ARHGAP39: variants seen among roughly 807,000 people sequenced by gnomAD.
ARHGAP39 encodes Rho GTPase activating protein 39.
Under a neutral mutation model 106.9 loss-of-function variants are expected in ARHGAP39, and 44 were observed. The ratio of observed to expected loss-of-function variants is 0.41; its 90% CI spans 0.32 to 0.53. ARHGAP39 has a LOEUF of 0.53. ARHGAP39 is among the 20% of genes least tolerant of loss of function. The pLI, the probability that ARHGAP39 is intolerant of heterozygous loss-of-function variation, is 0.21. For missense variants in ARHGAP39, 1,496 were observed against 1,577.3 expected (o/e 0.95, Z 0.87); for synonymous variants, 768 against 693.2 (o/e 1.11, Z -1.69).
chr8:144,588,046 G>A (rs1289967198), intron 2 of ARHGAP39, among the ~76,000 whole-genome samples: 4 of 152,228 alleles, frequency 2.6e-5, no homozygotes, highest in African/African-American at 9.6e-5. Context: ...AGGAAAACCA[G>A]CAAGGGTGAT....
intron 7 of ARHGAP39, among the ~76,000 whole-genome samples, chr8:144,535,128 G>A (rs1358012845): frequency 1.3e-5 from 2 of 152,178 alleles, no homozygotes; most frequent in African/African-American, 4.8e-5. Flanking sequence ...GGTGAGGGGG[G>A]CCTCTGGATC....
intron 1 of ARHGAP39, among the ~76,000 whole-genome samples, chr8:144,623,811 G>A (rs967260674): frequency 2.0e-5 from 3 of 152,292 alleles, no homozygotes; most frequent in South Asian, 2.1e-4. Flanking sequence ...CAAATGCACC[G>A]CCCAGAATCA....
At chr8:144,700,331 T>C in the ARHGAP39 span, 1 of 151,422 alleles carries the variant, frequency 6.6e-6, no homozygotes, top group East Asian at 1.9e-4. The surrounding 1 kb of genome is among the most constrained non-coding windows in gnomAD (Gnocchi z 5.6). Flanking sequence ...GCCGGGCGAG[T>C]CTCACTTCCG....
rs1213937802 is a variant in ARHGAP39 at position 144,647,852 on chromosome 8, A to C, written c.-82+37834T>G. Among the ~76,000 whole-genome samples the C allele has an allele frequency of 1.3e-5, 2 of 152,262 alleles. No homozygotes were observed. Among genetic ancestry groups the C allele is most frequent in the Non-Finnish European group, 2.9e-5 (2 of 68,042 alleles). The stretch of plus-strand genomic sequence containing the variant: ...CCAAGCAAAAGTGCACCCATGTGCC[A>C]AGTACTGTACATAAAATAAGTCCAT... On this transcript the variant is annotated intron_variant, in intron 1 of 11. Transcript: ENST00000377307. The surrounding 1 kb of genome is among the most constrained non-coding windows in gnomAD (Gnocchi z 4.8).
Position 144,670,613 on chromosome 8 carries a change from C to A in ARHGAP39, c.-82+15073G>T, listed in dbSNP as rs1380666322. 6.6e-6 allele frequency among the ~76,000 whole-genome samples: 1 copy of A among 152,136 alleles called. No individual in the cohort carries two copies. Among genetic ancestry groups the A allele is most frequent in the African/African-American group, 2.4e-5 (1 of 41,422 alleles). The stretch of plus-strand genomic sequence containing the variant: ...CCCGCCCTGCTCCAGGCTCCCTGGG[C>A]TCCTGCCATCCGGTCCTGCTAACCC... On this transcript the variant is annotated intron_variant, in intron 1 of 11. Coordinates refer to ENST00000377307, the MANE Select transcript of ARHGAP39 (RefSeq NM_025251.3). The surrounding 1 kb of genome is among the most constrained non-coding windows in gnomAD (Gnocchi z 4.4).
In ARHGAP39 at chr8:144,604,989, C is replaced by T. The variant is rs1176619778; in HGVS notation, c.80+546G>A. ...TAAAAGCCTAGAAATCAGGGCAGAG[C>T]AGTGGCTCACGTCTGTGATCCTGGC... On this transcript the variant is annotated intron_variant, in intron 2 of 11. Transcript: ENST00000377307. This position sits in a 1 kb window ranked among gnomAD's most constrained non-coding sequence, Gnocchi z 4.1. Among the ~76,000 whole-genome samples the T allele has an allele frequency of 6.6e-6, 1 of 152,226 alleles. No individual in the cohort carries two copies. The highest frequency in any genetic ancestry group is 2.4e-5 in the African/African-American group (1 of 41,454).
intron 1 of ARHGAP39, among the ~76,000 whole-genome samples, chr8:144,612,207 C>T (rs1233868750): frequency 2.4e-5 from 2 of 84,166 alleles, no homozygotes; most frequent in Admixed American, 1.2e-4. Context: ...CCAGCCAGGG[C>T]GACAGAGTGA....
intron 1 of ARHGAP39, among the ~76,000 whole-genome samples, 196 bp downstream of exon 1, chr8:144,685,490 G>C (rs1166675623): frequency 7.6e-5 from 7 of 92,200 alleles, no homozygotes. Flanking sequence ...GCCGGGCCCC[G>C]CACACCCACG....
At position 144,561,724 on chromosome 8, in the gene ARHGAP39, G is replaced by A. The variant is rs921882928; in HGVS notation, c.513-6081C>T. The stretch of plus-strand genomic sequence containing the variant: ...CCATCACACTCCAGTGGTTTCCATC[G>A]GACTTAATCCAGTGGTTTCCATCGG... On this transcript the variant is annotated intron_variant, in intron 3 of 11. Coordinates refer to ENST00000377307, the MANE Select transcript of ARHGAP39 (RefSeq NM_025251.3). 2.1e-4 allele frequency among the ~76,000 whole-genome samples: 30 copies of A among 143,742 alleles called. No homozygotes were observed. The East Asian group carries it at 3.2e-3, about 15-fold the overall frequency. The allele number at this position is 143,742 out of a possible 152,430, so 94.3% of individuals were successfully genotyped here.
chr8:144,571,262 C>A (rs1268022768), intron 3 of ARHGAP39, among the ~76,000 whole-genome samples: 1 of 152,126 alleles, frequency 6.6e-6, no homozygotes, highest in Non-Finnish European at 1.5e-5. Flanking sequence ...GAATCCACCA[C>A]CATCAAAAAG....
chr8:144,590,999 C>T (rs1383609074), intron 2 of ARHGAP39, among the ~76,000 whole-genome samples: 2 of 152,230 alleles, frequency 1.3e-5, no homozygotes, highest in East Asian at 3.8e-4. Flanking sequence ...ACCCTTGACA[C>T]CTTCCACAGC....
At chr8:144,535,161 T>C (rs1373284562) in intron 7 of ARHGAP39, among the ~76,000 whole-genome samples, 3 of 152,118 alleles carry the variant, frequency 2.0e-5, no homozygotes, top group Non-Finnish European at 2.9e-5. Flanking sequence ...CGGAACACCT[T>C]TGTCTTCTTT....
chr8:144,621,118 C>A (rs950523816), intron 1 of ARHGAP39, among the ~76,000 whole-genome samples: 3 of 152,288 alleles, frequency 2.0e-5, no homozygotes, highest in Non-Finnish European at 4.4e-5. Context: ...CCCCAGCCTG[C>A]AGCTGCCTGC....
intron 1 of ARHGAP39, among the ~76,000 whole-genome samples, chr8:144,655,451 G>C (rs2129662423): frequency 6.6e-6 from 1 of 152,218 alleles, no homozygotes; most frequent in East Asian, 1.9e-4. Context: ...CTTCTTCTCT[G>C]CTAGGAGCTG....
chr8:144,633,471 A>G (rs1821113180), intron 1 of ARHGAP39, among the ~76,000 whole-genome samples: 1 of 152,212 alleles, frequency 6.6e-6, no homozygotes, highest in Non-Finnish European at 1.5e-5. Context: ...AAAAAGAAGA[A>G]AAAGAAAAGA....
intron 10 of ARHGAP39, 96 bp from the exon 11 acceptor site, chr8:144,530,967 G>A: frequency 7.0e-7 from 1 of 1,432,530 alleles, no homozygotes; most frequent in Non-Finnish European, 9.3e-7. Flanking sequence ...GGTGCTGTGG[G>A]GGACAGGCTG....
chr8:144,587,643 G>A (rs141441599), intron 2 of ARHGAP39, among the ~76,000 whole-genome samples: 431 of 151,966 alleles, frequency 2.8e-3, no homozygotes, highest in African/African-American at 0.01. Context: ...GAAGAGTGAG[G>A]GGCAGAGAGA....
At position 144,547,619 on chromosome 8, in the gene ARHGAP39, C is replaced by G. The variant is rs749427496; in HGVS notation, c.1467G>C (p.Pro489=). Residue 489 remains proline, a synonymous_variant, in exon 5 of 12, where the codon CCG becomes CCC. Transcript: ENST00000377307. The surrounding 1 kb of genome is among the most constrained non-coding windows in gnomAD (Gnocchi z 5.2). Reference sequence around the variant, plus strand: ...TTCTGCTCTTCCGCTTGCGCGTGCCCGGGGAGTAGCCTGTGGAGGACAGGG... The same window carrying G: ...TTCTGCTCTTCCGCTTGCGCGTGCCGGGGGAGTAGCCTGTGGAGGACAGGG... ...QDTLSSTGYS[P]GTRKRKSRKP... The G allele has an allele frequency of 1.4e-5, 21 of 1,499,070 alleles. No homozygotes were observed. The highest frequency in any genetic ancestry group is 1.8e-5 in the Non-Finnish European group (20 of 1,125,646). The allele number at this position is 1,499,070 out of a possible 1,614,324, so 92.9% of individuals were successfully genotyped here.
chr8:144,620,076 G>C (rs1820755751), intron 1 of ARHGAP39, among the ~76,000 whole-genome samples: 1 of 138,586 alleles, frequency 7.2e-6, no homozygotes, highest in South Asian at 2.4e-4. Flanking sequence ...GTCTGTGTGT[G>C]CCCGAGTGTG....
Sources: gnomAD v4.1 joint callset for allele counts (sites outside exome capture counted in the v4.1 genomes callset) on GRCh38, gnomAD v4.1.1 for gene constraint, Gnocchi (gnomAD v3.1) non-coding constraint, MANE v1.5 for transcripts, NCBI Gene and HGNC (gene_info 2026-07-23, HGNC 2026-07-21) for gene names.